The following SUGT1 variants were observed in gnomAD, a reference collection of about 807,000 sequenced individuals.
SUGT1 encodes SGT1 assembly cochaperone of MIS12 kinetochore complex.
Under a neutral mutation model 56.1 loss-of-function variants are expected in SUGT1, and 15 were observed. The ratio of observed to expected loss-of-function variants is 0.27; its 90% CI spans 0.18 to 0.41. The LOEUF (loss-of-function observed/expected upper bound fraction) is 0.41, where lower values mean the gene tolerates loss of function less well. Among genes scored for constraint, SUGT1 ranks in the 10% least tolerant of loss-of-function variants. The probability of loss-of-function intolerance (pLI) is 1.00; values close to 1 mark genes in which losing one functional copy is unlikely to be tolerated. For missense variants in SUGT1, 347 were observed against 382.2 expected, an observed-to-expected ratio of 0.91 and a Z score of 0.77; for synonymous variants, 123 against 128.6, an observed-to-expected ratio of 0.96 and a Z score of 0.30.
At chr13:52,656,919 T>TA (rs1055738519) in intron 2 of SUGT1, among the ~76,000 whole-genome samples, 10 of 152,222 alleles carry the variant, frequency 6.6e-5, no homozygotes, top group African/African-American at 1.4e-4. Flanking sequence ...CTGCACAAGT[T>TA]AAAAAAGTTT....
chr13:52,652,973 T>C lies in SUGT1; in HGVS notation c.38+15T>C. On this transcript the variant is annotated intron_variant, in intron 1 of 12. Transcript: ENST00000310528. ...ACATCCCAGAGGTGCATGTTTTTCT[T>C]TCCCTTTGGTATTTATTTTATCCCC... 1.2e-6 allele frequency: 2 copies of C among 1,614,218 alleles called. No homozygotes were observed. The highest frequency in any genetic ancestry group is 1.7e-6 in the Non-Finnish European group (2 of 1,180,012).
At chr13:52,659,461 A>C (rs1279010204) in intron 5 of SUGT1, among the ~76,000 whole-genome samples, 1 of 152,126 alleles carries the variant, frequency 6.6e-6, no homozygotes. Flanking sequence ...GAACTTCACC[A>C]TTAGAAGTAA....
chr13:52,653,330 A>G (rs1962004834), intron 2 of SUGT1, among the ~76,000 whole-genome samples: 1 of 152,096 alleles, frequency 6.6e-6, no homozygotes, highest in African/African-American at 2.4e-5. Flanking sequence ...AGCTCCTGAG[A>G]AAAACCTCCT....
At chr13:52,667,958 T>G (rs1327091350) in intron 10 of SUGT1, among the ~76,000 whole-genome samples, 1 of 151,770 alleles carries the variant, frequency 6.6e-6, no homozygotes, top group Non-Finnish European at 1.5e-5. Flanking sequence ...GTAGGTAGGC[T>G]TTTTCCATTA....
intron 10 of SUGT1, among the ~76,000 whole-genome samples, chr13:52,670,205 T>A (rs1046337643): frequency 6.6e-6 from 1 of 152,192 alleles, no homozygotes; most frequent in Non-Finnish European, 1.5e-5. Context: ...GTGATGAAAG[T>A]AGTAAGAGGT....
intron 12 of SUGT1, chr13:52,687,442 C>A: frequency 5.4e-6 from 1 of 184,652 alleles, no homozygotes; most frequent in Non-Finnish European, 1.1e-5. Flanking sequence ...CATCTATGCT[C>A]ATTAGCAAAG....
chr13:52,664,129 A>G (rs1962579947), intron 8 of SUGT1, 72 bp downstream of exon 8: 1 of 1,453,334 alleles, frequency 6.9e-7, no homozygotes, highest in Admixed American at 2.0e-5. Context: ...GTAGTTTAAT[A>G]GTAAGCAAAT....
intron 5 of SUGT1, among the ~76,000 whole-genome samples, chr13:52,662,413 G>A (rs1162008888): frequency 6.6e-6 from 1 of 152,212 alleles, no homozygotes; most frequent in East Asian, 1.9e-4. Context: ...AAGGTTGACT[G>A]TAGTTAAAAT....
intron 5 of SUGT1, among the ~76,000 whole-genome samples, chr13:52,661,963 T>G (rs1315635810): frequency 6.6e-6 from 1 of 152,228 alleles, no homozygotes; most frequent in Non-Finnish European, 1.5e-5. Context: ...TTTTAACATA[T>G]CTTACTATGC....
In SUGT1 at chr13:52,699,308, A is replaced by G. The variant is rs764000849; in HGVS notation, c.*11473A>G. On this transcript the variant is annotated 3_prime_UTR_variant, in exon 13 of 13. Coordinates refer to ENST00000310528, the MANE Select transcript of SUGT1 (RefSeq NM_006704.5). ...ATCAAAGTGAAACAAAATGAGAATAACTATTTGGGCAAAACACTTTTATCA... is the reference window on the plus strand; with the variant it reads ...ATCAAAGTGAAACAAAATGAGAATAGCTATTTGGGCAAAACACTTTTATCA... The G allele has an allele frequency of 1.3e-5, 2 of 152,172 alleles. No homozygotes were observed. Among genetic ancestry groups the G allele is most frequent in the Non-Finnish European group, 2.9e-5 (2 of 68,034 alleles). The allele number at this position is 152,172 out of a possible 1,614,324, so 9.4% of individuals were successfully genotyped here. A position where few individuals can be genotyped will look rare whatever the true frequency, so the allele number is the denominator to read the frequency against.
At position 52,662,677 on chromosome 13, in the gene SUGT1, T is replaced by G; in HGVS notation, c.357T>G (p.Ile119Met). ...DSADANFSVWIKRCQEAQNGS... is the reference protein window; with the variant it reads ...DSADANFSVWMKRCQEAQNGS... ...CAGATGCTAATTTCAGTGTCTGGAT[T>G]AAAAGGTGTCAAGAAGCTCAGAATG... The change falls in exon 6 of 13, where the codon ATT (isoleucine) becomes ATG (methionine). Residue 119 changes from isoleucine to methionine, a missense_variant. Transcript: ENST00000310528. 1 of 1,613,832 alleles carries G rather than the reference T, an allele frequency of 6.2e-7. No individual in the cohort carries two copies. The highest frequency in any genetic ancestry group is 8.5e-7 in the Non-Finnish European group (1 of 1,179,816).
chr13:52,659,483 G>A (rs912742760), intron 5 of SUGT1, among the ~76,000 whole-genome samples: 1 of 151,956 alleles, frequency 6.6e-6, no homozygotes, highest in Non-Finnish European at 1.5e-5. Context: ...AAAAACTATG[G>A]AAACACCTAA....
Position 52,679,832 on chromosome 13 carries a change from GA to G in SUGT1, c.719-139del, listed in dbSNP as rs1185675455. On this transcript the variant is annotated intron_variant, in intron 11 of 12. Coordinates refer to ENST00000310528, the MANE Select transcript of SUGT1 (RefSeq NM_006704.5). Reference sequence around the variant, plus strand: ...AATTTTGTTATTGACCTATATACCAGAAAGACACTTATTGCATACCTGAAAT... The same window carrying G: ...AATTTTGTTATTGACCTATATACCAGAAGACACTTATTGCATACCTGAAAT... 7 of 713,014 alleles carry G rather than the reference GA, an allele frequency of 9.8e-6. No homozygotes were observed. In the East Asian group the frequency reaches 2.4e-4, roughly 24 times the overall value. The allele number at this position is 713,014 out of a possible 1,614,324, so 44.2% of individuals were successfully genotyped here.
At chr13:52,682,705 T>C (rs1963424589) in intron 12 of SUGT1, among the ~76,000 whole-genome samples, 1 of 152,222 alleles carries the variant, frequency 6.6e-6, no homozygotes, top group Non-Finnish European at 1.5e-5. Flanking sequence ...CTGTGTTAGA[T>C]TGAGCTGTAT....
chr13:52,658,479 G>T lies in SUGT1; in HGVS notation c.257+11G>T. On this transcript the variant is annotated intron_variant, in intron 4 of 12. Transcript: ENST00000310528. ...TATGCTGAGAAAAGGGTATGCAGTA[G>T]CTACTCTTCTTGTTGAGCTTGGTAT... The T allele has an allele frequency of 6.2e-7, 1 of 1,605,416 alleles. No individual in the cohort carries two copies. Among genetic ancestry groups the T allele is most frequent in the Non-Finnish European group, 8.5e-7 (1 of 1,177,872 alleles).
intron 10 of SUGT1, among the ~76,000 whole-genome samples, chr13:52,670,352 A>C (rs1184033338): frequency 1.3e-5 from 2 of 152,180 alleles, no homozygotes; most frequent in Non-Finnish European, 2.9e-5. Context: ...ATCAGCTTTA[A>C]TGTCAGCCTA....
At chr13:52,660,402 A>G (rs191803996) in intron 5 of SUGT1, among the ~76,000 whole-genome samples, 1 of 152,290 alleles carries the variant, frequency 6.6e-6, no homozygotes, top group Admixed American at 6.5e-5. Flanking sequence ...GTGCTACTAA[A>G]TATTCTATAA....
intron 10 of SUGT1, among the ~76,000 whole-genome samples, chr13:52,668,691 A>G (rs542660877): frequency 1.2e-4 from 18 of 152,300 alleles, no homozygotes; most frequent in African/African-American, 4.3e-4. Context: ...AGCACAAAAT[A>G]GGTAGATTTG....
chr13:52,657,498 C>A, intron 2 of SUGT1, 34 bp from the exon 3 acceptor site: 1 of 1,586,228 alleles, frequency 6.3e-7, no homozygotes, highest in South Asian at 1.1e-5. Flanking sequence ...TTCTTACAAA[C>A]TTTTACTGAC....
Sources: gnomAD v4.1 joint callset for allele counts (sites outside exome capture counted in the v4.1 genomes callset) on GRCh38, gnomAD v4.1.1 for gene constraint, MANE v1.5 for transcripts, NCBI Gene and HGNC (gene_info 2026-07-23, HGNC 2026-07-21) for gene names.